The following CYP2A6 variants were observed in gnomAD, a reference collection of about 807,000 sequenced individuals.
CYP2A6 encodes cytochrome P450 family 2 subfamily A member 6.
In CYP2A6, 27 loss-of-function variants were observed where a neutral mutation model predicts 42.3. The observed-to-expected ratio is 0.64, with a 90% confidence interval of 0.47 to 0.88. The LOEUF is 0.88. Ranked by LOEUF, CYP2A6 falls within the 40% of genes least tolerant of loss-of-function variation. The pLI is 0.00. For missense variants in CYP2A6, 628 were observed against 646.0 expected, an observed-to-expected ratio of 0.97 and a Z score of 0.30; for synonymous variants, 238 against 246.3, an observed-to-expected ratio of 0.97 and a Z score of 0.31.
chr19:40,845,950 C>T lies in CYP2A6; in HGVS notation c.973+6G>A. On this transcript the variant is annotated splice_donor_region_variant and intron_variant, in intron 6 of 8. Transcript: ENST00000301141. Reference sequence around the variant, plus strand: ...GCCCTCCACTTCCGTCCCCCTCCAGCCTTACCCTCCACCTCTGGGTGCTTC... The same window carrying T: ...GCCCTCCACTTCCGTCCCCCTCCAGTCTTACCCTCCACCTCTGGGTGCTTC... 1.9e-6 allele frequency: 3 copies of T among 1,610,642 alleles called. No homozygotes were observed. Among genetic ancestry groups the T allele is most frequent in the Non-Finnish European group, 2.5e-6 (3 of 1,179,484 alleles).
At position 40,850,434 on chromosome 19, in the gene CYP2A6, G is replaced by A. The variant is rs781710360; in HGVS notation, c.-8C>T. On this transcript the variant is annotated 5_prime_UTR_variant, in exon 1 of 9. Coordinates refer to ENST00000301141, the MANE Select transcript of CYP2A6 (RefSeq NM_000762.6). ...CATCCCTGAGGCCAGCATGGTGGTA[G>A]TGGGATGATAGATGGTGACGGCTGG... The A allele has an allele frequency of 6.8e-6, 11 of 1,606,568 alleles. No individual in the cohort carries two copies. The Admixed American group carries it at 1.0e-4, about 15-fold the overall frequency.
Position 40,845,503 on chromosome 19 carries a change from G to A in CYP2A6, c.974-22C>T, listed in dbSNP as rs761944053. ...TTGGCTGGGGGAGGAGGGGGAATGT[G>A]TTTAGGTATCTAGGGGTCTCAGAGC... On this transcript the variant is annotated intron_variant, in intron 6 of 8. Coordinates refer to ENST00000301141, the MANE Select transcript of CYP2A6 (RefSeq NM_000762.6). The A allele has an allele frequency of 1.1e-5, 18 of 1,610,348 alleles. No individual in the cohort carries two copies. In the African/African-American group the frequency reaches 1.5e-4, roughly 13 times the overall value.
At position 40,844,787 on chromosome 19, in the gene CYP2A6, G is replaced by T; in HGVS notation, c.1162-15C>A. ...ACTTCGGTGCCCTGGTAGGGAGGAGGAAGTTGTGTGTGATGAGGAGGGTCG... is the reference window on the plus strand; with the variant it reads ...ACTTCGGTGCCCTGGTAGGGAGGAGTAAGTTGTGTGTGATGAGGAGGGTCG... On this transcript the variant is annotated splice_polypyrimidine_tract_variant and intron_variant, in intron 7 of 8. Transcript: ENST00000301141. 1 of 1,606,608 alleles carries T rather than the reference G, an allele frequency of 6.2e-7. No individual in the cohort carries two copies. Among genetic ancestry groups the T allele is most frequent in the Non-Finnish European group, 8.5e-7 (1 of 1,177,010 alleles).
At chr19:40,845,688 G>A (rs967806522) in intron 6 of CYP2A6, among the ~76,000 whole-genome samples, 1 of 151,506 alleles carries the variant, frequency 6.6e-6, no homozygotes, top group African/African-American at 2.4e-5. Flanking sequence ...GAGGCACAGG[G>A]AGGAACTTAG....
rs2083443309 is a variant in CYP2A6, at chr19:40,843,976, T to C, written c.1305A>G (p.Gly435=). 1 of 1,597,420 alleles carries C rather than the reference T, an allele frequency of 6.3e-7. No homozygotes were observed. Among genetic ancestry groups the C allele is most frequent in the Non-Finnish European group, 8.5e-7 (1 of 1,171,528 alleles). The part of the protein sequence containing the change: ...KSDAFVPFSI[G]KRNCFGEGLA... ...GGCCTTCTCCGAAACAGTTCCGCTT[T>C]CCTGAGGAGGAGAGGCGGGAGGGGT... Residue 435 remains glycine (G), a splice_region_variant and synonymous_variant, in exon 9 of 9, where the codon GGA becomes GGG. Transcript: ENST00000301141.
chr19:40,848,178 G>A (rs1399589905), intron 4 of CYP2A6, 41 bp downstream of exon 4: 1 of 1,605,438 alleles, frequency 6.2e-7, no homozygotes, highest in African/African-American at 1.3e-5. Context: ...CAGTTGGCAG[G>A]TTGTGGTAGG....
rs555186829 is a variant in CYP2A6, at chr19:40,847,091, G to C, written c.655-40C>G. 8 of 1,601,170 alleles carry C rather than the reference G, an allele frequency of 5.0e-6. No individual in the cohort carries two copies. The East Asian group carries it at 1.9e-4, about 37-fold the overall frequency. ...AGAGGATGGGAAGGGAAGGACAGCT[G>C]TCACGGGGCAGGAGCTGATGGGAAT... On this transcript the variant is annotated intron_variant, in intron 4 of 8. Transcript: ENST00000301141.
intron 5 of CYP2A6, among the ~76,000 whole-genome samples, chr19:40,846,648 C>A (rs1018308656): frequency 6.6e-6 from 1 of 151,580 alleles, no homozygotes; most frequent in East Asian, 2.0e-4. Context: ...CGGGGTTTGA[C>A]CATGTTGGCC....
intron 4 of CYP2A6, among the ~76,000 whole-genome samples, chr19:40,847,600 T>A (rs1317926478): frequency 6.6e-6 from 1 of 151,572 alleles, no homozygotes; most frequent in Non-Finnish European, 1.5e-5. Context: ...TGGGAGCACC[T>A]CTGTAAGGTG....
At chr19:40,844,284 G>T (rs531467589) in intron 8 of CYP2A6, among the ~76,000 whole-genome samples, 6 of 151,368 alleles carry the variant, frequency 4.0e-5, no homozygotes, top group African/African-American at 1.5e-4. Flanking sequence ...CATAGATGGG[G>T]TGATCCATGC....
rs566521623 is a variant in CYP2A6, at chr19:40,844,444, A to C, written c.1303+187T>G. On this transcript the variant is annotated intron_variant, in intron 8 of 8. Coordinates refer to ENST00000301141, the MANE Select transcript of CYP2A6 (RefSeq NM_000762.6). ...TCTACGGGGAAAGATGTTTCCTTTC[A>C]TTTTACCTGGGCGCAGGTACTGGGT... 4.0e-4 allele frequency among the ~76,000 whole-genome samples: 61 copies of C among 151,278 alleles called. 1 individual carries two copies. Among genetic ancestry groups the C allele is most frequent in the Middle Eastern group, 3.4e-3 (1 of 292 alleles).
chr19:40,845,503 G>T, intron 6 of CYP2A6, 22 bp from the exon 7 acceptor site: 1 of 1,610,462 alleles, frequency 6.2e-7, no homozygotes. Flanking sequence ...GGGGGAATGT[G>T]TTTAGGTATC....
intron 5 of CYP2A6, 101 bp from the exon 6 acceptor site, chr19:40,846,198 G>A (rs1967097411): frequency 1.3e-6 from 2 of 1,501,866 alleles, no homozygotes; most frequent in Admixed American, 2.2e-5. Context: ...TCAGACCAAA[G>A]GTGGAAAGAG....
chr19:40,848,384 G>A lies in CYP2A6; in HGVS notation c.494-5C>T, dbSNP rs572409006. ...AGGTGGGATCGATATTGGCGCCTGC[G>A]GGTATGGCGGGAGAAGGGGGTTGGG... On this transcript the variant is annotated splice_region_variant and splice_polypyrimidine_tract_variant and intron_variant, in intron 3 of 8. Transcript: ENST00000301141. 85 of 1,611,756 alleles carry A rather than the reference G, an allele frequency of 5.3e-5. 1 individual carries two copies. The highest frequency in any genetic ancestry group is 3.2e-4 in the Admixed American group (19 of 59,952).
intron 5 of CYP2A6, among the ~76,000 whole-genome samples, chr19:40,846,458 C>A (rs534792109): frequency 6.6e-6 from 1 of 151,286 alleles, no homozygotes; most frequent in African/African-American, 2.4e-5. Context: ...GTAGCTGGAA[C>A]TGCACATGCG....
rs539876412 is a variant in CYP2A6 at position 40,846,467 on chromosome 19, C to A, written c.832-370G>T. Among the ~76,000 whole-genome samples the A allele has an allele frequency of 1.5e-3, 223 of 151,380 alleles. 4 individuals are homozygous for A. Among genetic ancestry groups the A allele is most frequent in the African/African-American group, 5.2e-3 (216 of 41,240 alleles). The stretch of plus-strand genomic sequence containing the variant: ...TCCTGAGTAGCTGGAACTGCACATG[C>A]GCATGACCATGCAGGCTCACTTACT... On this transcript the variant is annotated intron_variant, in intron 5 of 8. Coordinates refer to ENST00000301141, the MANE Select transcript of CYP2A6 (RefSeq NM_000762.6).
Position 40,848,278 on chromosome 19 carries a change from G to A in CYP2A6, c.595C>T (p.Leu199=). The A allele has an allele frequency of 2.5e-6, 4 of 1,611,836 alleles. No individual in the cohort carries two copies. Among genetic ancestry groups the A allele is most frequent in the Non-Finnish European group, 3.4e-6 (4 of 1,179,950 alleles). The change falls in exon 4 of 9, where the codon CTG becomes TTG. Residue 199 remains leucine (L), a synonymous_variant. Coordinates refer to ENST00000301141, the MANE Select transcript of CYP2A6 (RefSeq NM_000762.6). ...CCTAGCATCATGCGCAACAGTGACA[G>A]GAACTCTTTGTCCTTATAGTCAAAG... The part of the protein sequence containing the change: ...DRFDYKDKEF[L]SLLRMMLGIF...
In CYP2A6 at chr19:40,849,962, G is replaced by A. The variant is rs745654874; in HGVS notation, c.199C>T (p.Pro67Ser). 6 of 1,611,040 alleles carry A rather than the reference G, an allele frequency of 3.7e-6. No homozygotes were observed. In the Admixed American group the frequency reaches 6.7e-5, roughly 18 times the overall value. The change falls in exon 2 of 9, where the codon CCC becomes TCC. Residue 67 changes from proline to serine, a missense_variant. Physicochemically the swap from Pro to Ser is moderately conservative, Grantham distance 74 (BLOSUM62 -1). Around this residue, in one of 2 missense-constraint regions of CYP2A6, gnomAD observed 606 missense variants for 568.1 expected, o/e 1.07. Transcript: ENST00000301141. Reference sequence around the variant, plus strand: ...GGCCCCAAGTGAATGGTGAACACGGGGCCATAGCGCTCACTGATCTGATGG... The same window carrying A: ...GGCCCCAAGTGAATGGTGAACACGGAGCCATAGCGCTCACTGATCTGATGG... The part of the protein sequence containing the change: ...SLMKISERYG[P>S]VFTIHLGPRR...
chr19:40,845,031 G>A (rs1169318069), intron 7 of CYP2A6: 12 of 647,108 alleles, frequency 1.9e-5, no homozygotes, highest in South Asian at 8.3e-5. Flanking sequence ...ACAAAAGGCC[G>A]AATGGAAAGG....
Sources: allele counts gnomAD v4.1 joint callset (sites outside exome capture counted in the v4.1 genomes callset), GRCh38; gene constraint gnomAD v4.1.1; regional missense constraint gnomAD v4.1.1; transcripts MANE v1.5; gene names NCBI Gene and HGNC (gene_info 2026-07-23, HGNC 2026-07-21).